Variants in SCIN observed in about 807,000 individuals in gnomAD.
SCIN encodes scinderin, also known as adseverin.
In SCIN, 91 loss-of-function variants were observed where a neutral mutation model predicts 91.8. The observed-to-expected ratio is 0.99, with a 90% CI of 0.84 to 1.18. The LOEUF (loss-of-function observed/expected upper bound fraction) is 1.18, where lower values mean the gene tolerates loss of function less well. Among genes scored for constraint, SCIN ranks in the 50% most tolerant of loss-of-function variants. The probability of loss-of-function intolerance (pLI) is 0.00; values close to 1 mark genes in which losing one functional copy is unlikely to be tolerated. For synonymous variants in SCIN, 367 were observed against 312.6 expected, an observed-to-expected ratio of 1.17 and a Z score of -1.84; for missense variants, 1,087 against 863.9, an observed-to-expected ratio of 1.26 and a Z score of -3.24.
intron 3 of SCIN, 66 bp from the exon 4 acceptor site, chr7:12,604,447 GT>G: frequency 7.2e-7 from 1 of 1,394,734 alleles, no homozygotes; most frequent in Admixed American, 2.1e-5. Context: ...TTAATCACAA[GT>G]ATTACACTGA....
rs766116823 is a variant in SCIN, at chr7:12,651,823, T to C, written c.1960-18T>C. On this transcript the variant is annotated intron_variant, in intron 14 of 15. Transcript: ENST00000297029. This position sits in a 1 kb window ranked among gnomAD's most constrained non-coding sequence, Gnocchi z 5.9. Reference sequence around the variant, plus strand: ...ACATCCCAGAAATCATACATATTGTTATTGTTTCATTTTTCAGATATTTAT... The same window carrying C: ...ACATCCCAGAAATCATACATATTGTCATTGTTTCATTTTTCAGATATTTAT... The C allele has an allele frequency of 3.5e-5, 53 of 1,500,662 alleles. No homozygotes were observed. Among genetic ancestry groups the C allele is most frequent in the Non-Finnish European group, 4.8e-5 (52 of 1,089,874 alleles). The allele number at this position is 1,500,662 out of a possible 1,614,324, so 93.0% of individuals were successfully genotyped here. A position where few individuals can be genotyped will look rare whatever the true frequency, so the allele number is the denominator to read the frequency against.
At chr7:12,649,443 C>A in intron 13 of SCIN, 24 bp from the exon 14 acceptor site, 2 of 1,521,106 alleles carry the variant, frequency 1.3e-6, no homozygotes, top group South Asian at 2.5e-5. Flanking sequence ...ACTTTTTGCT[C>A]ATATAGCTTT....
At chr7:12,618,927 A>G (rs1783351820) in intron 4 of SCIN, among the ~76,000 whole-genome samples, 1 of 152,186 alleles carries the variant, frequency 6.6e-6, no homozygotes, top group Admixed American at 6.6e-5. Flanking sequence ...CATTTTCTAT[A>G]TAAAGAGCTT....
intron 3 of SCIN, among the ~76,000 whole-genome samples, chr7:12,588,045 T>C (rs1782627664): frequency 6.6e-6 from 1 of 152,210 alleles, no homozygotes. Flanking sequence ...GTCTCTGCTA[T>C]TACTTAAAAA....
intron 3 of SCIN, chr7:12,595,447 T>C (rs1463377775): frequency 1.6e-5 from 2 of 125,600 alleles, no homozygotes; most frequent in Non-Finnish European, 3.3e-5. Flanking sequence ...TGCAGAGTAT[T>C]TGGGGTAAGA....
At chr7:12,575,959 C>G (rs964561964) in intron 1 of SCIN, among the ~76,000 whole-genome samples, 3 of 152,134 alleles carry the variant, frequency 2.0e-5, no homozygotes, top group African/African-American at 7.2e-5. Flanking sequence ...CCTGGCCAAC[C>G]ACATTACATA....
At chr7:12,589,179 G>T (rs923426244) in intron 3 of SCIN, 4 of 152,086 alleles carry the variant, frequency 2.6e-5, no homozygotes, top group African/African-American at 9.7e-5. Flanking sequence ...AATCACCTGG[G>T]CCGGGAATCT....
chr7:12,616,092 C>T (rs1266739273), intron 4 of SCIN, among the ~76,000 whole-genome samples: 1 of 152,210 alleles, frequency 6.6e-6, no homozygotes, highest in Non-Finnish European at 1.5e-5. Context: ...CTCCATTTCT[C>T]CCCTTACCCA....
intron 9 of SCIN, among the ~76,000 whole-genome samples, chr7:12,629,807 A>G (rs1332833425): frequency 6.6e-6 from 1 of 152,196 alleles, no homozygotes; most frequent in African/African-American, 2.4e-5. Flanking sequence ...GAAATGATCA[A>G]ATGTCCAACC....
intron 14 of SCIN, among the ~76,000 whole-genome samples, chr7:12,650,401 A>G (rs80337889): frequency 0.026 from 3,952 of 152,284 alleles, 274 homozygotes; most frequent in Admixed American, 0.15. Context: ...CCTTATTCAG[A>G]TATATATTTA....
intron 10 of SCIN, among the ~76,000 whole-genome samples, chr7:12,639,162 T>G (rs1181099380): frequency 6.6e-6 from 1 of 152,246 alleles, no homozygotes; most frequent in African/African-American, 2.4e-5. Flanking sequence ...TTTTTCTTTC[T>G]TATTCTCCTT....
intron 1 of SCIN, chr7:12,571,347 C>T (rs1782267002): frequency 2.8e-6 from 1 of 363,310 alleles, no homozygotes; most frequent in African/African-American, 2.1e-5. Context: ...TGGCCAAGCC[C>T]CGCTCACCTT....
At chr7:12,620,080 G>T (rs866492451) in intron 4 of SCIN, among the ~76,000 whole-genome samples, 1 of 151,776 alleles carries the variant, frequency 6.6e-6, no homozygotes, top group Non-Finnish European at 1.5e-5. Flanking sequence ...AGACATATAT[G>T]TACAAACTTT....
chr7:12,590,641 A>G (rs549216096), intron 3 of SCIN, among the ~76,000 whole-genome samples: 3 of 151,972 alleles, frequency 2.0e-5, no homozygotes, highest in African/African-American at 7.2e-5. Flanking sequence ...GGATAACAGG[A>G]AGGAGAGGGG....
At chr7:12,624,817 C>A (rs190542296) in intron 5 of SCIN, among the ~76,000 whole-genome samples, 193 bp from the exon 6 acceptor site, 2 of 152,206 alleles carry the variant, frequency 1.3e-5, no homozygotes, top group East Asian at 3.9e-4. Flanking sequence ...CTTGTGGATT[C>A]TTTTCATTTT....
chr7:12,571,708 G>C (rs115402032), intron 1 of SCIN: 2,826 of 282,488 alleles, frequency 0.01, 17 homozygotes, highest in Middle Eastern at 0.014. Flanking sequence ...CTGCTTTATT[G>C]TTATTATTTA....
At chr7:12,629,302 G>A (rs1783596437) in intron 9 of SCIN, 80 bp downstream of exon 9, 1 of 1,306,836 alleles carries the variant, frequency 7.7e-7, no homozygotes, top group Admixed American at 2.2e-5. Flanking sequence ...TGCATTATGG[G>A]GTAGAATAAT....
chr7:12,641,027 C>T (rs1783847859), intron 11 of SCIN, among the ~76,000 whole-genome samples: 1 of 152,162 alleles, frequency 6.6e-6, no homozygotes, highest in African/African-American at 2.4e-5. Flanking sequence ...ATAAGAAGAC[C>T]TCCAGGTATA....
At chr7:12,607,380 G>C (rs1031780872) in intron 4 of SCIN, among the ~76,000 whole-genome samples, 5 of 152,126 alleles carry the variant, frequency 3.3e-5, no homozygotes, top group Non-Finnish European at 7.3e-5. Flanking sequence ...GTACATATGT[G>C]GTGTCCTGGC....
Sources: gnomAD v4.1 joint callset for allele counts (sites outside exome capture counted in the v4.1 genomes callset) on GRCh38, gnomAD v4.1.1 for gene constraint, Gnocchi (gnomAD v3.1) non-coding constraint, MANE v1.5 for transcripts, NCBI Gene and HGNC (gene_info 2026-07-23, HGNC 2026-07-21) for gene names.